Variants in DTX1 observed in about 807,000 individuals in gnomAD.
DTX1 encodes deltex E3 ubiquitin ligase 1, also known as E3 ubiquitin-protein ligase DTX1.
DTX1 carries 26 observed loss-of-function variants against 57.8 expected under a neutral mutation model. That is an observed-to-expected ratio of 0.45 (90% CI 0.33 to 0.62). DTX1 has a LOEUF of 0.62. Among genes scored for constraint, DTX1 ranks in the 20% least tolerant of loss-of-function variants. DTX1 has a pLI of 0.02. For missense variants in DTX1, 704 were observed against 895.3 expected, an observed-to-expected ratio of 0.79 and a Z score of 2.73; for synonymous variants, 398 against 394.1, an observed-to-expected ratio of 1.01 and a Z score of -0.12.
intron 2 of DTX1, among the ~76,000 whole-genome samples, chr12:113,065,366 T>G (rs936386): frequency 6.6e-6 from 1 of 152,102 alleles, no homozygotes; most frequent in African/African-American, 2.4e-5. Context: ...GGTCTGCAGC[T>G]GGGTGCGCAC....
Position 113,093,440 on chromosome 12 carries a change from C to CG in DTX1, c.1004-99_1004-98insG. On this transcript the variant is annotated intron_variant, in intron 4 of 9. Coordinates refer to ENST00000548759, the MANE Select transcript of DTX1 (RefSeq NM_004416.3). The surrounding 1 kb of genome is among the most constrained non-coding windows in gnomAD (Gnocchi z 4.2). ...GTGGGTGGGGCCCAAGAGCGCAACC[C>CG]TCCCACCCACCCGAGGGCCCCGGGA... 3.6e-6 allele frequency: 3 copies of CG among 826,042 alleles called. No homozygotes were observed. Among genetic ancestry groups the CG allele is most frequent in the Non-Finnish European group, 5.6e-6 (3 of 536,278 alleles). The allele number at this position is 826,042 out of a possible 1,614,324, so 51.2% of individuals were successfully genotyped here.
intron 3 of DTX1, among the ~76,000 whole-genome samples, chr12:113,087,406 TC>T (rs960903370): frequency 4.6e-5 from 7 of 152,012 alleles, no homozygotes; most frequent in Non-Finnish European, 8.8e-5. Flanking sequence ...GGGCACCTGG[TC>T]CCCCGGGCTT....
At chr12:113,091,688 T>A (rs1212048227) in intron 3 of DTX1, among the ~76,000 whole-genome samples, 1 of 145,494 alleles carries the variant, frequency 6.9e-6, no homozygotes, top group Non-Finnish European at 1.6e-5. Flanking sequence ...TGCTTGAAGA[T>A]GCTTTCTGGT....
chr12:113,094,231 T>C, intron 6 of DTX1, 132 bp downstream of exon 6: 5 of 747,522 alleles, frequency 6.7e-6, no homozygotes, highest in Non-Finnish European at 1.1e-5. Context: ...TGAGGTTTTT[T>C]GATGAATAGA....
In DTX1 at chr12:113,097,141, G is replaced by A. The variant is rs577436061; in HGVS notation, c.*202G>A. On this transcript the variant is annotated 3_prime_UTR_variant, in exon 10 of 10. Transcript: ENST00000548759. ...CTGGCCCCGAATCATAGCTCCCTGA[G>A]AGGGCCAAGCAGAGAGTACTGGAAA... 35 of 613,584 alleles carry A rather than the reference G, an allele frequency of 5.7e-5. No individual in the cohort carries two copies. The African/African-American group carries it at 6.5e-4, about 11-fold the overall frequency. 38.0% of individuals were successfully genotyped at this position (613,584 alleles called of 1,614,324 possible). A position where few individuals can be genotyped will look rare whatever the true frequency, so the allele number is the denominator to read the frequency against.
intron 6 of DTX1, 31 bp downstream of exon 6, chr12:113,094,130 G>GGGGGGGGGGGGGGGGGCGGC: frequency 8.0e-7 from 1 of 1,247,540 alleles, no homozygotes; most frequent in Non-Finnish European, 1.1e-6. Context: ...CTGGGGGAGG[G>GGGGGGGGGGGGGGGGGCGGC]CCCTGGCATG....
intron 3 of DTX1, among the ~76,000 whole-genome samples, chr12:113,087,495 G>T (rs1379030643): frequency 1.3e-5 from 2 of 152,136 alleles, no homozygotes; most frequent in Non-Finnish European, 2.9e-5. Context: ...CAGGACTGTG[G>T]GGGGAGGAGG....
intron 2 of DTX1, among the ~76,000 whole-genome samples, chr12:113,060,125 ATT>A (rs1245641301): frequency 6.6e-6 from 1 of 152,230 alleles, no homozygotes; most frequent in Non-Finnish European, 1.5e-5. Flanking sequence ...CAAATGGCTT[ATT>A]GATGGTACAG....
At chr12:113,071,724 C>G (rs1055872736) in intron 2 of DTX1, among the ~76,000 whole-genome samples, 1 of 152,262 alleles carries the variant, frequency 6.6e-6, no homozygotes, top group South Asian at 2.1e-4. Flanking sequence ...AAGGAACCAG[C>G]TGCCCACCCC....
At chr12:113,083,921 C>T (rs1435997529) in intron 3 of DTX1, among the ~76,000 whole-genome samples, 1 of 152,250 alleles carries the variant, frequency 6.6e-6, no homozygotes, top group Non-Finnish European at 1.5e-5. Flanking sequence ...CCCCATCTGT[C>T]AGACAGAGCT....
chr12:113,058,484 C>A, intron 2 of DTX1, 33 bp downstream of exon 2: 1 of 1,567,394 alleles, frequency 6.4e-7, no homozygotes, highest in Non-Finnish European at 8.6e-7. Flanking sequence ...CCACCCGCCC[C>A]GCCGAGCCAT....
At chr12:113,067,486 C>T (rs1384820076) in intron 2 of DTX1, among the ~76,000 whole-genome samples, 1 of 152,212 alleles carries the variant, frequency 6.6e-6, no homozygotes, top group Non-Finnish European at 1.5e-5. Flanking sequence ...ACAAAGGCTG[C>T]AAATTCAGAT....
chr12:113,080,248 G>A (rs1566017753), intron 3 of DTX1, among the ~76,000 whole-genome samples: 1 of 152,220 alleles, frequency 6.6e-6, no homozygotes, highest in Non-Finnish European at 1.5e-5. Context: ...CCTTGGGGAA[G>A]CCTTGTCCAA....
chr12:113,085,897 G>C (rs1219589008), intron 3 of DTX1, among the ~76,000 whole-genome samples: 1 of 152,126 alleles, frequency 6.6e-6, no homozygotes, highest in Admixed American at 6.6e-5. Context: ...GGAGAGAAAG[G>C]ATGTAGGGAG....
At chr12:113,080,849 C>A (rs2044810988) in intron 3 of DTX1, among the ~76,000 whole-genome samples, 1 of 151,776 alleles carries the variant, frequency 6.6e-6, no homozygotes, top group South Asian at 2.1e-4. Context: ...GGGTGGTGTG[C>A]TTGTAGTCCC....
chr12:113,064,021 C>T (rs2044687845), intron 2 of DTX1, among the ~76,000 whole-genome samples: 1 of 152,166 alleles, frequency 6.6e-6, no homozygotes, highest in African/African-American at 2.4e-5. Context: ...GCTGAGAGAA[C>T]CCCTTCCCCC....
At chr12:113,082,218 C>A (rs1034206077) in intron 3 of DTX1, among the ~76,000 whole-genome samples, 1 of 152,116 alleles carries the variant, frequency 6.6e-6, no homozygotes, top group Non-Finnish European at 1.5e-5. Context: ...TCATCCCTCC[C>A]CACCCACGCA....
intron 2 of DTX1, among the ~76,000 whole-genome samples, chr12:113,074,382 G>A (rs1252349862): frequency 1.3e-5 from 2 of 152,220 alleles, no homozygotes; most frequent in Non-Finnish European, 2.9e-5. Flanking sequence ...TGGGAATGGT[G>A]AGGTCATATT....
intron 3 of DTX1, among the ~76,000 whole-genome samples, chr12:113,085,111 G>A (rs1469252613): frequency 2.0e-5 from 3 of 150,822 alleles, no homozygotes; most frequent in Non-Finnish European, 2.9e-5. Context: ...GTGCAGTGGC[G>A]AGATCTCCAC....
Sources: allele counts gnomAD v4.1 joint callset (sites outside exome capture counted in the v4.1 genomes callset), GRCh38; gene constraint gnomAD v4.1.1; non-coding constraint Gnocchi (gnomAD v3.1); transcripts MANE v1.5; gene names NCBI Gene and HGNC (gene_info 2026-07-23, HGNC 2026-07-21).